Variants in STK31 observed in about 807,000 individuals in gnomAD.
STK31 encodes serine/threonine kinase 31, also known as serine/threonine-protein kinase 31.
A neutral mutation model predicts 129.7 loss-of-function variants in STK31; 89 were observed. That is an observed-to-expected ratio of 0.69 (90% CI 0.58 to 0.82). The LOEUF is 0.82. STK31 is among the 40% of genes least tolerant of loss of function. The probability of loss-of-function intolerance (pLI) is 0.00; values close to 1 mark genes in which losing one functional copy is unlikely to be tolerated. For missense variants in STK31, 1,187 were observed against 1,176.4 expected, an observed-to-expected ratio of 1.01 and a Z score of -0.13; for synonymous variants, 448 against 395.3, an observed-to-expected ratio of 1.13 and a Z score of -1.58.
intron 4 of STK31, among the ~76,000 whole-genome samples, chr7:23,723,104 C>T (rs914825768): frequency 6.6e-6 from 1 of 152,132 alleles, no homozygotes; most frequent in African/African-American, 2.4e-5. Flanking sequence ...GAGATGAACC[C>T]GGTACCTCAG....
At chr7:23,824,643 G>T (rs1012220470) in intron 23 of STK31, among the ~76,000 whole-genome samples, 2 of 152,170 alleles carry the variant, frequency 1.3e-5, no homozygotes, top group Non-Finnish European at 2.9e-5. Flanking sequence ...TGTTGAATAG[G>T]AGTGGTGAGA....
intron 22 of STK31, among the ~76,000 whole-genome samples, chr7:23,801,200 A>G (rs1792345690): frequency 6.6e-6 from 1 of 152,216 alleles, no homozygotes; most frequent in Admixed American, 6.5e-5. Context: ...TCAGTTCAGC[A>G]TCATTGTCGG....
chr7:23,800,341 T>A (rs760839952), intron 22 of STK31, among the ~76,000 whole-genome samples: 6 of 152,064 alleles, frequency 3.9e-5, no homozygotes, highest in Admixed American at 1.3e-4. Context: ...CAAATACCCA[T>A]CAGTGATAGA....
At position 23,824,898 on chromosome 7, in the gene STK31, G is replaced by A. The variant is rs545333985; in HGVS notation, c.2830-7238G>A. On this transcript the variant is annotated intron_variant, in intron 23 of 23. Coordinates refer to ENST00000355870, the MANE Select transcript of STK31 (RefSeq NM_031414.5). ...TGGTTCTGTTTATATGCTGGATTAC[G>A]TTTATTGATTTTCATATGTTGAACC... 3.2e-3 allele frequency among the ~76,000 whole-genome samples: 483 copies of A among 151,916 alleles called. 3 individuals carry two copies. Among genetic ancestry groups the A allele is most frequent in the African/African-American group, 0.01 (422 of 41,362 alleles).
intron 11 of STK31, among the ~76,000 whole-genome samples, chr7:23,765,558 C>CTTTTTTTT (rs10677070): frequency 3.9e-5 from 5 of 129,600 alleles, no homozygotes; most frequent in Admixed American, 8.2e-5. Context: ...ACCTCTTATA[C>CTTTTTTTT]TTTTTTTTTT....
At chr7:23,726,194 A>T (rs1212876770) in intron 4 of STK31, 1 of 152,088 alleles carries the variant, frequency 6.6e-6, no homozygotes, top group Non-Finnish European at 1.5e-5. Context: ...GAGACATTTG[A>T]CAGTGTTTGG....
At chr7:23,786,740 T>G (rs1294541808) in intron 19 of STK31, 98 bp from the exon 20 acceptor site, 10 of 1,546,038 alleles carry the variant, frequency 6.5e-6, no homozygotes, top group Non-Finnish European at 8.8e-6. Flanking sequence ...TTCATTCCCC[T>G]TAACATAAAA....
intron 22 of STK31, among the ~76,000 whole-genome samples, chr7:23,800,810 G>T (rs1584469991): frequency 6.6e-6 from 1 of 150,826 alleles, no homozygotes; most frequent in Non-Finnish European, 1.5e-5. Context: ...GTATCATACA[G>T]TATATAATTT....
chr7:23,745,286 A>C (rs1157317813), intron 8 of STK31, among the ~76,000 whole-genome samples: 1 of 152,040 alleles, frequency 6.6e-6, no homozygotes, highest in Non-Finnish European at 1.5e-5. Flanking sequence ...AGCTGGGTAG[A>C]GTGGACCTGT....
intron 7 of STK31, 125 bp downstream of exon 7, chr7:23,736,021 T>TA (rs1466820417): frequency 5.4e-6 from 4 of 741,278 alleles, no homozygotes; most frequent in Non-Finnish European, 4.2e-6. Flanking sequence ...CTGATGCTGA[T>TA]ATTTCTGTTT....
chr7:23,752,297 A>T (rs996776111), intron 8 of STK31, among the ~76,000 whole-genome samples: 26 of 152,094 alleles, frequency 1.7e-4, no homozygotes, highest in Admixed American at 1.6e-3. Flanking sequence ...ATAAATATTA[A>T]TTTGAAATAA....
intron 23 of STK31, among the ~76,000 whole-genome samples, chr7:23,830,822 G>A (rs1379463473): frequency 2.6e-5 from 4 of 152,122 alleles, no homozygotes; most frequent in Non-Finnish European, 5.9e-5. Flanking sequence ...GTTTCACCAT[G>A]TCAGCCAGGC....
intron 3 of STK31, among the ~76,000 whole-genome samples, chr7:23,714,701 TAGTGC>T (rs1310236654): frequency 6.6e-6 from 1 of 152,232 alleles, no homozygotes; most frequent in Non-Finnish European, 1.5e-5. Flanking sequence ...TTGTATTCAC[TAGTGC>T]AGCTCTAGAC....
chr7:23,771,187 AT>A lies in STK31; in HGVS notation c.1833+68del, dbSNP rs143538010. On this transcript the variant is annotated intron_variant, in intron 14 of 23. Coordinates refer to ENST00000355870, the MANE Select transcript of STK31 (RefSeq NM_031414.5). ...ATGATTTGAATTTTTCAGTACTTAAATTTTTCTATTGTTGTTTAATACTCAG... is the reference window on the plus strand; with the variant it reads ...ATGATTTGAATTTTTCAGTACTTAAATTTTCTATTGTTGTTTAATACTCAG... The A allele has an allele frequency of 1.5e-3, 2,095 of 1,442,700 alleles. 1 individual carries two copies. The highest frequency in any genetic ancestry group is 1.8e-3 in the Non-Finnish European group (1,967 of 1,092,882). 89.4% of individuals were successfully genotyped at this position (1,442,700 alleles called of 1,614,324 possible). A position where few individuals can be genotyped will look rare whatever the true frequency, so the allele number is the denominator to read the frequency against.
rs1293525132 is a variant in STK31, at chr7:23,727,285, C to T, written c.294C>T (p.Cys98=). ...CTGAAGATCAGTGTTGGTACAGATG[C>T]AAAGTACTGAAAATCATCAGCGTTG... The part of the protein sequence containing the change: ...LFSEDQCWYR[C]KVLKIISVEK... Residue 98 remains cysteine, a synonymous_variant, in exon 5 of 24, where the codon TGC becomes TGT. Transcript: ENST00000355870. 6.2e-7 allele frequency: 1 copy of T among 1,613,446 alleles called. No individual in the cohort carries two copies. The highest frequency in any genetic ancestry group is 2.2e-5 in the East Asian group (1 of 44,746).
intron 23 of STK31, among the ~76,000 whole-genome samples, chr7:23,818,823 C>T (rs1451955403): frequency 6.6e-6 from 1 of 152,034 alleles, no homozygotes; most frequent in Admixed American, 6.6e-5. Flanking sequence ...TGGGGTTTTG[C>T]CATTTTGGCC....
chr7:23,774,643 A>T (rs1052837923), intron 15 of STK31, among the ~76,000 whole-genome samples: 1 of 151,892 alleles, frequency 6.6e-6, no homozygotes, highest in African/African-American at 2.4e-5. Flanking sequence ...TTTTCTTGTA[A>T]ATTTGTTTAA....
chr7:23,762,117 G>A (rs1789508406), intron 10 of STK31, among the ~76,000 whole-genome samples: 1 of 150,776 alleles, frequency 6.6e-6, no homozygotes, highest in Admixed American at 6.6e-5. Flanking sequence ...TTTACTTTTA[G>A]GGTACATGTG....
rs149517628 is a variant in STK31 at position 23,766,799 on chromosome 7, C to T, written c.1417-2196C>T. On this transcript the variant is annotated intron_variant, in intron 11 of 23. Transcript: ENST00000355870. Reference sequence around the variant, plus strand: ...AATTTTTTCTCTTATTCTGAGACTTCTGATAGATATTTCAGCTTCTATTTC... The same window carrying T: ...AATTTTTTCTCTTATTCTGAGACTTTTGATAGATATTTCAGCTTCTATTTC... Among the ~76,000 whole-genome samples the T allele has an allele frequency of 2.0e-3, 298 of 152,238 alleles. 1 individual carries two copies. The highest frequency in any genetic ancestry group is 6.9e-3 in the African/African-American group (285 of 41,556).
Sources: allele counts gnomAD v4.1 joint callset (sites outside exome capture counted in the v4.1 genomes callset), GRCh38; gene constraint gnomAD v4.1.1; transcripts MANE v1.5; gene names NCBI Gene and HGNC (gene_info 2026-07-23, HGNC 2026-07-21).